The following ATP8A2 variants were observed in gnomAD, a reference collection of about 807,000 sequenced individuals.
ATP8A2 encodes the protein ATPase phospholipid transporting 8A2.
In ATP8A2, 100 loss-of-function variants were observed where a neutral mutation model predicts 165.6. That is an observed-to-expected ratio of 0.60 (90% CI 0.51 to 0.71). The LOEUF is 0.71. Among genes scored for constraint, ATP8A2 ranks in the 30% least tolerant of loss-of-function variants. ATP8A2 has a pLI of 0.00. For missense variants in ATP8A2, 1,227 were observed against 1,479.5 expected (o/e 0.83, Z 2.80); for synonymous variants, 543 against 548.8 (o/e 0.99, Z 0.15).
chr13:25,560,227 T>G (rs1402780893), intron 15 of ATP8A2, among the ~76,000 whole-genome samples: 1 of 152,174 alleles, frequency 6.6e-6, no homozygotes. Context: ...AATTTAAGGA[T>G]GAACATGGCT....
intron 10 of ATP8A2, among the ~76,000 whole-genome samples, chr13:25,546,754 A>G (rs1255558680): frequency 6.6e-6 from 1 of 152,178 alleles, no homozygotes; most frequent in Non-Finnish European, 1.5e-5. Context: ...GCTAGGTAGT[A>G]TGTGCTCATT....
At chr13:25,415,725 C>T (rs1398247151) in intron 1 of ATP8A2, among the ~76,000 whole-genome samples, 1 of 152,094 alleles carries the variant, frequency 6.6e-6, no homozygotes. Flanking sequence ...GGGTTTGTTT[C>T]CTCATCTCAA....
At chr13:25,914,418 A>T (rs1954208364) in intron 33 of ATP8A2, among the ~76,000 whole-genome samples, 1 of 152,226 alleles carries the variant, frequency 6.6e-6, no homozygotes, top group African/African-American at 2.4e-5. Flanking sequence ...AAACATCAAC[A>T]TACTTGAAAA....
At chr13:25,986,232 A>C (rs1956278994) in intron 35 of ATP8A2, among the ~76,000 whole-genome samples, 1 of 152,212 alleles carries the variant, frequency 6.6e-6, no homozygotes, top group African/African-American at 2.4e-5. Flanking sequence ...AGAACACTGA[A>C]GATCTACTCT....
At chr13:25,536,015 A>C (rs2038269340) in intron 6 of ATP8A2, among the ~76,000 whole-genome samples, 1 of 151,976 alleles carries the variant, frequency 6.6e-6, no homozygotes, top group Non-Finnish European at 1.5e-5. Context: ...TTTTCATTTG[A>C]AAACATGACA....
chr13:25,595,735 A>T (rs967164466), intron 24 of ATP8A2, among the ~76,000 whole-genome samples: 1 of 152,082 alleles, frequency 6.6e-6, no homozygotes. Context: ...TCCTCACCCT[A>T]CTAATCGTAC....
In ATP8A2 at chr13:26,020,024, AGTTT is replaced by A. The variant is rs371898248; in HGVS notation, c.*43_*46del. The stretch of plus-strand genomic sequence containing the variant: ...CTGACTGATCTTAGGAAAGAGATTC[AGTTT>A]GTTGCACCCAGTGTTAACACATCTT... On this transcript the variant is annotated 3_prime_UTR_variant, in exon 37 of 37. Transcript: ENST00000381655. 1.8e-4 allele frequency: 258 copies of A among 1,423,178 alleles called. 1 individual carries two copies. The East Asian group carries it at 4.8e-3, about 26-fold the overall frequency. The allele number at this position is 1,423,178 out of a possible 1,614,324, so 88.2% of individuals were successfully genotyped here.
At chr13:25,387,806 G>A (rs543721136) in intron 1 of ATP8A2, among the ~76,000 whole-genome samples, 1 of 152,316 alleles carries the variant, frequency 6.6e-6, no homozygotes, top group East Asian at 1.9e-4. Context: ...GCTCATGCCT[G>A]TAATCCCAGC....
At chr13:25,994,434 G>T (rs891287560) in intron 35 of ATP8A2, among the ~76,000 whole-genome samples, 21 of 152,080 alleles carry the variant, frequency 1.4e-4, no homozygotes, top group African/African-American at 5.1e-4. Flanking sequence ...GGTGAAAATG[G>T]TCATCCTTGC....
At chr13:25,759,589 A>G (rs1283923475) in intron 25 of ATP8A2, among the ~76,000 whole-genome samples, 1 of 152,214 alleles carries the variant, frequency 6.6e-6, no homozygotes, top group Non-Finnish European at 1.5e-5. Flanking sequence ...AAAGCATTTC[A>G]AGGAAGCAGA....
In ATP8A2 at chr13:25,854,125, C is replaced by A. The variant is rs555010733; in HGVS notation, c.2957-6070C>A. 3.9e-5 allele frequency among the ~76,000 whole-genome samples: 6 copies of A among 152,248 alleles called. No individual in the cohort carries two copies. In the East Asian group the frequency reaches 1.2e-3, roughly 29 times the overall value. ...TGTTTTCTTTGTTTTGGAATATGGT[C>A]ATGTTTCATTGCTGTCTTTTCTTCC... On this transcript the variant is annotated intron_variant, in intron 30 of 36. Transcript: ENST00000381655.
intron 27 of ATP8A2, among the ~76,000 whole-genome samples, chr13:25,818,831 G>A (rs917558271): frequency 2.6e-5 from 4 of 152,096 alleles, no homozygotes; most frequent in South Asian, 4.1e-4. Flanking sequence ...GATATTGAGT[G>A]GAATCAATAT....
intron 24 of ATP8A2, among the ~76,000 whole-genome samples, chr13:25,676,255 A>G (rs1242458151): frequency 2.0e-5 from 3 of 152,160 alleles, no homozygotes; most frequent in Admixed American, 1.3e-4. Flanking sequence ...TGCTTTTAAT[A>G]TTCACAGGCA....
At chr13:25,818,284 T>G (rs751583015) in intron 27 of ATP8A2, among the ~76,000 whole-genome samples, 2 of 152,180 alleles carry the variant, frequency 1.3e-5, no homozygotes, top group Non-Finnish European at 2.9e-5. Flanking sequence ...TCTGGATAAT[T>G]CATAAATTTT....
At chr13:25,862,547 T>A (rs1241123133) in intron 33 of ATP8A2, 139 bp downstream of exon 33, 11 of 654,600 alleles carry the variant, frequency 1.7e-5, no homozygotes, top group African/African-American at 3.6e-5. Flanking sequence ...TCCATCAGAA[T>A]CTATCAGGAG....
At chr13:25,452,525 C>A (rs1335905678) in intron 1 of ATP8A2, among the ~76,000 whole-genome samples, 5 of 152,138 alleles carry the variant, frequency 3.3e-5, no homozygotes, top group South Asian at 4.2e-4. Context: ...AAGATTGATA[C>A]CCCGTTTCAG....
At chr13:25,886,849 A>G (rs9507596) in intron 33 of ATP8A2, among the ~76,000 whole-genome samples, 19,757 of 152,188 alleles carry the variant, frequency 0.13, 1,527 homozygotes, top group Non-Finnish European at 0.18. Context: ...TTAGTACTAC[A>G]TAGGCTTTAT....
At chr13:25,982,066 A>T (rs1305287156) in intron 35 of ATP8A2, among the ~76,000 whole-genome samples, 1 of 152,162 alleles carries the variant, frequency 6.6e-6, no homozygotes, top group Non-Finnish European at 1.5e-5. Flanking sequence ...GATGGGAGAA[A>T]TTTTAGATTC....
intron 24 of ATP8A2, among the ~76,000 whole-genome samples, chr13:25,652,096 C>T (rs921720184): frequency 1.3e-5 from 2 of 152,128 alleles, no homozygotes; most frequent in Admixed American, 6.5e-5. Context: ...ACCTGAAGTG[C>T]TTTTTAGAGA....
Sources: allele counts gnomAD v4.1 joint callset (sites outside exome capture counted in the v4.1 genomes callset), GRCh38; gene constraint gnomAD v4.1.1; transcripts MANE v1.5; gene names NCBI Gene and HGNC (gene_info 2026-07-23, HGNC 2026-07-21).